Variants in SETD2 observed in about 807,000 individuals in gnomAD.
The protein encoded by SETD2 is SET domain containing 2, histone lysine methyltransferase, also known as histone-lysine N-methyltransferase SETD2.
A neutral mutation model predicts 242.1 loss-of-function variants in SETD2; 31 were observed. The observed-to-expected ratio is 0.13, with a 90% CI of 0.10 to 0.17. SETD2 has a LOEUF of 0.17. Ranked by LOEUF, SETD2 falls within the 10% of genes least tolerant of loss-of-function variation. The pLI, the probability that SETD2 is intolerant of heterozygous loss-of-function variation, is 1.00. For synonymous variants in SETD2, 1,006 were observed against 1,066.5 expected, an observed-to-expected ratio of 0.94 and a Z score of 1.11; for missense variants, 2,481 against 3,046.3, an observed-to-expected ratio of 0.81 and a Z score of 4.37.
chr3:47,123,173 T>C lies in SETD2; in HGVS notation c.1463A>G (p.Tyr488Cys), dbSNP rs757781388. The C allele has an allele frequency of 1.7e-5, 28 of 1,606,376 alleles. No homozygotes were observed. Among genetic ancestry groups the C allele is most frequent in the Non-Finnish European group, 2.3e-5 (27 of 1,175,464 alleles). ...SSYRDLRTSSYSKSDRDCKTE... is the reference protein window; with the variant it reads ...SSYRDLRTSSCSKSDRDCKTE... Reference sequence around the variant, plus strand: ...TTTACAGTCCCGATCAGATTTAGAATAGGATGATGTCCTTAGGTCTCTGTA... The same window carrying C: ...TTTACAGTCCCGATCAGATTTAGAACAGGATGATGTCCTTAGGTCTCTGTA... Residue 488 changes from tyrosine to cysteine, a missense_variant, in exon 3 of 21, where the codon TAT (tyrosine) becomes TGT (cysteine). Physicochemically the swap from Tyr to Cys is radical, Grantham distance 194 (BLOSUM62 -2). This residue lies in a region of SETD2 where 1,300 missense variants were observed against 1,259.2 expected (regional missense o/e 1.03). Transcript: ENST00000409792.
At chr3:47,082,377 A>C (rs1257672257) in intron 12 of SETD2, among the ~76,000 whole-genome samples, 1 of 152,196 alleles carries the variant, frequency 6.6e-6, no homozygotes, top group African/African-American at 2.4e-5. Flanking sequence ...CTTCATCTCC[A>C]CCTTCTTAAC....
intron 12 of SETD2, among the ~76,000 whole-genome samples, chr3:47,077,022 G>A (rs1429204812): frequency 6.6e-6 from 1 of 152,214 alleles, no homozygotes; most frequent in African/African-American, 2.4e-5. Context: ...AAGGATAAAT[G>A]TTGTAAAAGT....
In SETD2 at chr3:47,045,519, T is replaced by TA. The variant is rs902155233; in HGVS notation, c.7098+967dup. 6.1e-3 allele frequency among the ~76,000 whole-genome samples: 613 copies of TA among 100,980 alleles called. 4 individuals are homozygous for TA. The highest frequency in any genetic ancestry group is 0.02 in the East Asian group (70 of 3,496). The allele number at this position is 100,980 out of a possible 152,430, so 66.2% of individuals were successfully genotyped here. A position where few individuals can be genotyped will look rare whatever the true frequency, so the allele number is the denominator to read the frequency against. ...GGCGACAGAGCAAGACTCCATCTCT[T>TA]AAAAAAAAAAAAAAAAAAAAATACA... On this transcript the variant is annotated intron_variant, in intron 16 of 20. Coordinates refer to ENST00000409792, the MANE Select transcript of SETD2 (RefSeq NM_014159.7).
chr3:47,058,625 G>A, intron 14 of SETD2, among the ~76,000 whole-genome samples: 1 of 150,952 alleles, frequency 6.6e-6, no homozygotes, highest in Non-Finnish European at 1.5e-5. Context: ...TAACATAGAT[G>A]AATGAATCTA....
intron 1 of SETD2, among the ~76,000 whole-genome samples, chr3:47,154,666 T>G (rs1419860711): frequency 6.6e-6 from 1 of 152,062 alleles, no homozygotes; most frequent in Admixed American, 6.6e-5. Context: ...TCTGACCCTT[T>G]TGCAATAAGC....
chr3:47,142,975 GCTT>G (rs1276005428), intron 1 of SETD2, among the ~76,000 whole-genome samples: 2 of 151,918 alleles, frequency 1.3e-5, no homozygotes, highest in African/African-American at 2.4e-5. Context: ...TGGCTCATTG[GCTT>G]CTTATTTTCA....
rs987669390 is a variant in SETD2, at chr3:47,052,240, G to A, written c.6963+4581C>T. On this transcript the variant is annotated intron_variant, in intron 15 of 20. Coordinates refer to ENST00000409792, the MANE Select transcript of SETD2 (RefSeq NM_014159.7). ...GGCTGGAGTGCGGTGGCACAATCTC[G>A]GCTTACTGCAGCCTCAACCTCCTGG... Among the ~76,000 whole-genome samples the A allele has an allele frequency of 3.3e-5, 5 of 151,970 alleles. No homozygotes were observed. In the East Asian group the frequency reaches 7.7e-4, roughly 24 times the overall value.
chr3:47,124,598 C>A (rs2043251993), intron 2 of SETD2, 50 bp from the exon 3 acceptor site: 14 of 1,431,892 alleles, frequency 9.8e-6, no homozygotes, highest in Non-Finnish European at 1.3e-5. Flanking sequence ...TAGTTACTTT[C>A]AAATGGACTG....
chr3:47,111,853 G>C (rs1476958173), intron 5 of SETD2, among the ~76,000 whole-genome samples: 2 of 151,574 alleles, frequency 1.3e-5, no homozygotes, highest in African/African-American at 4.8e-5. Flanking sequence ...AAAAATTATT[G>C]TCTTTATTAC....
In SETD2 at chr3:47,164,094, A is replaced by G; in HGVS notation, c.-170T>C. ...GCTCGTCGCTCCCTCCCTCCCTCGG[A>G]CGCCCGCCAGCCGCTCTCTCCCTCT... On this transcript the variant is annotated 5_prime_UTR_variant, in exon 1 of 21. Coordinates refer to ENST00000409792, the MANE Select transcript of SETD2 (RefSeq NM_014159.7). This position sits in a 1 kb window ranked among gnomAD's most constrained non-coding sequence, Gnocchi z 5.4. 1.8e-6 allele frequency: 2 copies of G among 1,135,790 alleles called. No individual in the cohort carries two copies. The highest frequency in any genetic ancestry group is 4.3e-5 in the South Asian group (1 of 23,136). The allele number at this position is 1,135,790 out of a possible 1,614,324, so 70.4% of individuals were successfully genotyped here.
intron 12 of SETD2, among the ~76,000 whole-genome samples, chr3:47,071,724 C>T (rs1346915076): frequency 2.0e-5 from 3 of 151,658 alleles, no homozygotes; most frequent in African/African-American, 7.3e-5. Context: ...GTCTTTAACT[C>T]GAAATAGTAT....
chr3:47,086,150 CA>C, intron 11 of SETD2, 44 bp downstream of exon 11: 1 of 1,603,546 alleles, frequency 6.2e-7, no homozygotes. Context: ...CCGAGGCAAT[CA>C]ATATAACAGT....
In SETD2 at chr3:47,122,020, T is replaced by A. The variant is rs747990258; in HGVS notation, c.2616A>T (p.Gln872His). 6.2e-7 allele frequency: 1 copy of A among 1,613,744 alleles called. No individual in the cohort carries two copies. Among genetic ancestry groups the A allele is most frequent in the African/African-American group, 1.3e-5 (1 of 74,920 alleles). ...AAGCAATACCTGAACTCCCAATAGGTTGATATAAATCATCAAAATGATTAA... is the reference window on the plus strand; with the variant it reads ...AAGCAATACCTGAACTCCCAATAGGATGATATAAATCATCAAAATGATTAA... ...ASVNHFDDLY[Q>H]PIGSSGIASS... The change falls in exon 3 of 21, where the codon CAA becomes CAT. Residue 872 changes from glutamine (Q) to histidine (H), a missense_variant. By Grantham distance (24) the Gln-to-His change is conservative. This residue lies in a region of SETD2 where 1,300 missense variants were observed against 1,259.2 expected (regional missense o/e 1.03). Coordinates refer to ENST00000409792, the MANE Select transcript of SETD2 (RefSeq NM_014159.7).
intron 1 of SETD2, among the ~76,000 whole-genome samples, chr3:47,154,063 CAACTT>C (rs1169715918): frequency 3.3e-5 from 5 of 152,066 alleles, no homozygotes; most frequent in Non-Finnish European, 5.9e-5. Context: ...GAAAATCAAA[CAACTT>C]AACATGGTAC....
chr3:47,075,943 T>C (rs1201956795), intron 12 of SETD2, among the ~76,000 whole-genome samples: 1 of 152,220 alleles, frequency 6.6e-6, no homozygotes, highest in African/African-American at 2.4e-5. Context: ...AGATGGACTT[T>C]CTTCATATTT....
intron 19 of SETD2, among the ~76,000 whole-genome samples, chr3:47,018,658 C>T (rs2038083146): frequency 6.6e-6 from 1 of 152,222 alleles, no homozygotes; most frequent in Non-Finnish European, 1.5e-5. Flanking sequence ...TCCAAACTCT[C>T]TTCCTTCAGT....
intron 15 of SETD2, among the ~76,000 whole-genome samples, chr3:47,050,723 C>CCTTTTTTTTTTT (rs1483439791): frequency 1.6e-4 from 11 of 66,878 alleles, no homozygotes; most frequent in Non-Finnish European, 2.9e-4. Context: ...TTTCCTCTCT[C>CCTTTTTTTTTTT]TTTTTTTTTT....
rs1022683325 is a variant in SETD2, at chr3:47,163,954, C to T, written c.-30G>A. On this transcript the variant is annotated 5_prime_UTR_variant, in exon 1 of 21. Transcript: ENST00000409792. ...AGCGGCTGGAGACGGCGACGCGAGC[C>T]CCCTCCCCGCAGCAGGGCGACGCGG... is the stretch of plus-strand genomic sequence containing the variant. 5 of 1,273,868 alleles carry T rather than the reference C, an allele frequency of 3.9e-6. No homozygotes were observed. The highest frequency in any genetic ancestry group is 3.7e-5 in the Admixed American group (1 of 26,984). 78.9% of individuals were successfully genotyped at this position (1,273,868 alleles called of 1,614,324 possible). A position where few individuals can be genotyped will look rare whatever the true frequency, so the allele number is the denominator to read the frequency against.
At chr3:47,031,183 T>C (rs1167336225) in intron 18 of SETD2, among the ~76,000 whole-genome samples, 1 of 152,220 alleles carries the variant, frequency 6.6e-6, no homozygotes, top group African/African-American at 2.4e-5. Context: ...GCTATATAGA[T>C]GACACGATAC....
Sources: allele counts gnomAD v4.1 joint callset (sites outside exome capture counted in the v4.1 genomes callset), GRCh38; gene constraint gnomAD v4.1.1; regional missense constraint gnomAD v4.1.1; non-coding constraint Gnocchi (gnomAD v3.1); transcripts MANE v1.5; gene names NCBI Gene and HGNC (gene_info 2026-07-23, HGNC 2026-07-21).